The following TMEM132C variants were observed in gnomAD, a reference collection of about 807,000 sequenced individuals.
TMEM132C encodes protein phosphatase 1, regulatory subunit 152.
In TMEM132C, 29 loss-of-function variants were observed where a neutral mutation model predicts 61.4. That is an observed-to-expected ratio of 0.47 (90% CI 0.35 to 0.64). TMEM132C has a LOEUF of 0.64. Among genes scored for constraint, TMEM132C ranks in the 30% least tolerant of loss-of-function variants. The pLI is 0.00. For missense variants in TMEM132C, 1,408 were observed against 1,476.9 expected (o/e 0.95, Z 0.76); for synonymous variants, 656 against 633.1 (o/e 1.04, Z -0.54).
chr12:128,611,158 G>A lies in TMEM132C; in HGVS notation c.1122-4994G>A, dbSNP rs78656765. On this transcript the variant is annotated intron_variant, in intron 3 of 8. Coordinates refer to ENST00000435159, the MANE Select transcript of TMEM132C (RefSeq NM_001136103.3). ...TAGAGAAAATGAGGCAGAGTTGTTC[G>A]GTCATCCAGCCAGTACCTGGGGAAG... is the stretch of plus-strand genomic sequence containing the variant. Among the ~76,000 whole-genome samples, 385 of 152,154 alleles carry A rather than the reference G, an allele frequency of 2.5e-3. 4 individuals are homozygous for A. The highest frequency in any genetic ancestry group is 8.9e-3 in the African/African-American group (370 of 41,496).
chr12:128,481,461 G>A (rs2136091388), intron 2 of TMEM132C, among the ~76,000 whole-genome samples: 1 of 152,336 alleles, frequency 6.6e-6, no homozygotes, highest in East Asian at 1.9e-4. Flanking sequence ...GTGCTTGCCT[G>A]TCCCAGGCCC....
Position 128,278,109 on chromosome 12 carries a change from C to T in TMEM132C, c.85+10622C>T, listed in dbSNP as rs1044146134. 6.6e-5 allele frequency among the ~76,000 whole-genome samples: 10 copies of T among 152,066 alleles called. No individual in the cohort carries two copies. Among genetic ancestry groups the T allele is most frequent in the Non-Finnish European group, 1.5e-4 (10 of 68,018 alleles). On this transcript the variant is annotated intron_variant, in intron 1 of 8. Transcript: ENST00000435159. The surrounding 1 kb of genome is among the most constrained non-coding windows in gnomAD (Gnocchi z 4.2). The stretch of plus-strand genomic sequence containing the variant: ...GCTAAAGCCTGCCAGTTTCTCATGC[C>T]GCAGCTGTATACGGTGACCCTAAAA...
At chr12:128,417,108 C>G (rs2136023745) in intron 2 of TMEM132C, among the ~76,000 whole-genome samples, 1 of 152,230 alleles carries the variant, frequency 6.6e-6, no homozygotes, top group South Asian at 2.1e-4. Context: ...TTTGTTTCCC[C>G]ATGGCTTGGA....
intron 3 of TMEM132C, among the ~76,000 whole-genome samples, chr12:128,569,600 T>A (rs1874806838): frequency 6.6e-6 from 1 of 152,174 alleles, no homozygotes; most frequent in South Asian, 2.1e-4. Flanking sequence ...ATTTATACCA[T>A]CAGCTTTTTA....
chr12:128,285,008 G>A (rs1265969711), intron 1 of TMEM132C, among the ~76,000 whole-genome samples: 2 of 152,090 alleles, frequency 1.3e-5, no homozygotes, highest in Non-Finnish European at 2.9e-5. Flanking sequence ...GCTGGGCGTG[G>A]TGGTGAGTGC....
chr12:128,580,892 G>A (rs1461130873), intron 3 of TMEM132C, among the ~76,000 whole-genome samples: 1 of 152,154 alleles, frequency 6.6e-6, no homozygotes, highest in East Asian at 1.9e-4. Context: ...GGGGCTTTCA[G>A]GTGCCTGCTA....
intron 1 of TMEM132C, among the ~76,000 whole-genome samples, chr12:128,311,708 G>A (rs964843071): frequency 6.6e-6 from 1 of 152,306 alleles, no homozygotes; most frequent in African/African-American, 2.4e-5. Flanking sequence ...GTGGCCATCC[G>A]CAAATGGCGA....
intron 1 of TMEM132C, among the ~76,000 whole-genome samples, chr12:128,369,487 T>C (rs1217066981): frequency 6.6e-6 from 1 of 152,230 alleles, no homozygotes; most frequent in Non-Finnish European, 1.5e-5. Flanking sequence ...GTTGCATATC[T>C]TGTTTTGGTG....
chr12:128,616,018 A>C, intron 3 of TMEM132C, 134 bp from the exon 4 acceptor site: 1 of 1,094,096 alleles, frequency 9.1e-7, no homozygotes, highest in South Asian at 1.8e-5. Context: ...TCCATGCCCC[A>C]GGATCCCCCA....
At chr12:128,605,794 G>A (rs546769394) in intron 3 of TMEM132C, among the ~76,000 whole-genome samples, 19 of 152,280 alleles carry the variant, frequency 1.2e-4, no homozygotes, top group African/African-American at 3.4e-4. Flanking sequence ...GGTTTCCCAC[G>A]CTGGAGAATT....
At chr12:128,492,105 GT>G (rs1871756990) in intron 2 of TMEM132C, among the ~76,000 whole-genome samples, 1 of 152,086 alleles carries the variant, frequency 6.6e-6, no homozygotes, top group South Asian at 2.1e-4. Context: ...GCGGTGTTTG[GT>G]TTTTTGTTCT....
chr12:128,547,200 G>A (rs1022953529), intron 3 of TMEM132C, among the ~76,000 whole-genome samples: 1 of 152,140 alleles, frequency 6.6e-6, no homozygotes, highest in Admixed American at 6.5e-5. Context: ...CAAGGTGAGG[G>A]TTGCGCAGTC....
rs1429896380 is a variant in TMEM132C at position 128,664,814 on chromosome 12, G to A, written c.1306-4603G>A. Among the ~76,000 whole-genome samples, 3 of 152,220 alleles carry A rather than the reference G, an allele frequency of 2.0e-5. No individual in the cohort carries two copies. In the East Asian group the frequency reaches 5.8e-4, roughly 29 times the overall value. On this transcript the variant is annotated intron_variant, in intron 4 of 8. Coordinates refer to ENST00000435159, the MANE Select transcript of TMEM132C (RefSeq NM_001136103.3). Reference sequence around the variant, plus strand: ...TCTTCTTGGTCCCGCGGGGGTTTAGGTGGGTCTCAGAAGACAGAACAATTG... The same window carrying A: ...TCTTCTTGGTCCCGCGGGGGTTTAGATGGGTCTCAGAAGACAGAACAATTG...
At chr12:128,306,161 G>C (rs1012038324) in intron 1 of TMEM132C, among the ~76,000 whole-genome samples, 2 of 151,238 alleles carry the variant, frequency 1.3e-5, no homozygotes, top group South Asian at 2.1e-4. Flanking sequence ...ATTTAGATGT[G>C]AACATTTCAG....
chr12:128,408,112 G>A (rs1875410516), intron 1 of TMEM132C, among the ~76,000 whole-genome samples: 1 of 152,106 alleles, frequency 6.6e-6, no homozygotes, highest in Non-Finnish European at 1.5e-5. Context: ...GGATGAGCTA[G>A]GCTTCACTTC....
At chr12:128,643,094 T>C (rs538332697) in intron 4 of TMEM132C, among the ~76,000 whole-genome samples, 5 of 152,170 alleles carry the variant, frequency 3.3e-5, no homozygotes, top group African/African-American at 4.8e-5. Flanking sequence ...ACCAGTTCAC[T>C]TCCCCTTAAT....
At chr12:128,508,461 T>C (rs796626299) in intron 2 of TMEM132C, among the ~76,000 whole-genome samples, 3 of 152,282 alleles carry the variant, frequency 2.0e-5, no homozygotes, top group African/African-American at 7.2e-5. Flanking sequence ...CCGTTTCTCC[T>C]GGTAATGATA....
Position 128,499,618 on chromosome 12 carries a change from C to T in TMEM132C, c.975-44339C>T, listed in dbSNP as rs146146283. ...CTGTAAGTTCATTTTTAAGCTCCCA[C>T]GTATGAATGAGAACATGCAATATTT... On this transcript the variant is annotated intron_variant, in intron 2 of 8. Coordinates refer to ENST00000435159, the MANE Select transcript of TMEM132C (RefSeq NM_001136103.3). Among the ~76,000 whole-genome samples the T allele has an allele frequency of 5.3e-3, 808 of 152,286 alleles. 2 individuals are homozygous for T. Among genetic ancestry groups the T allele is most frequent in the Non-Finnish European group, 8.0e-3 (546 of 68,022 alleles).
chr12:128,414,043 C>A (rs935982269), intron 1 of TMEM132C, among the ~76,000 whole-genome samples: 1 of 152,072 alleles, frequency 6.6e-6, no homozygotes, highest in Non-Finnish European at 1.5e-5. Flanking sequence ...GAGTGTGGAT[C>A]TACTTTTTTC....
Sources: allele counts gnomAD v4.1 joint callset (sites outside exome capture counted in the v4.1 genomes callset), GRCh38; gene constraint gnomAD v4.1.1; non-coding constraint Gnocchi (gnomAD v3.1); transcripts MANE v1.5; gene names NCBI Gene and HGNC (gene_info 2026-07-23, HGNC 2026-07-21).